Variants in TET2 observed in about 807,000 individuals in gnomAD.
TET2 encodes the protein methylcytosine dioxygenase TET2.
Under a neutral mutation model 142.9 loss-of-function variants are expected in TET2, and 299 were observed. The observed-to-expected ratio is 2.09, with a 90% CI of 1.90 to 2.30. TET2 has a LOEUF of 2.30. TET2 is among the 30% of genes most tolerant of loss of function. The pLI, the probability that TET2 is intolerant of heterozygous loss-of-function variation, is 0.00. For missense variants in TET2, 2,418 were observed against 2,378.0 expected (o/e 1.02, Z -0.35); for synonymous variants, 819 against 849.0 (o/e 0.96, Z 0.61).
In TET2 at chr4:105,190,424, A is replaced by G. The variant is rs10003850; in HGVS notation, c.-128A>G. ...TACTTGCCTTTGCTCCTGTTGAGTT[A>G]CAACGCTTGGAAGCAGGAGATGGGC... On this transcript the variant is annotated 5_prime_UTR_variant, in exon 2 of 11. Transcript: ENST00000380013. 1.9e-3 allele frequency: 1,305 copies of G among 700,744 alleles called. 16 individuals carry two copies. The African/African-American group carries it at 0.021, about 11-fold the overall frequency. 43.4% of individuals were successfully genotyped at this position (700,744 alleles called of 1,614,324 possible).
At chr4:105,240,949 A>C in intron 3 of TET2, 14 of 1,082,532 alleles carry the variant, frequency 1.3e-5, no homozygotes, top group Non-Finnish European at 1.5e-5. Context: ...AATCTTTTAA[A>C]ATCCAAGTAA....
intron 6 of TET2, among the ~76,000 whole-genome samples, chr4:105,249,196 T>C (rs1729740031): frequency 6.6e-6 from 1 of 151,982 alleles, no homozygotes; most frequent in Non-Finnish European, 1.5e-5. Context: ...CCAGCTAATT[T>C]TTGTATTTTT....
intron 2 of TET2, among the ~76,000 whole-genome samples, chr4:105,221,183 G>A (rs1036726595): frequency 6.6e-6 from 1 of 152,004 alleles, no homozygotes; most frequent in African/African-American, 2.4e-5. Context: ...CTAGTTTGGT[G>A]AGACTTGGAG....
intron 1 of TET2, among the ~76,000 whole-genome samples, chr4:105,155,698 G>A (rs945043477): frequency 2.0e-5 from 3 of 152,162 alleles, no homozygotes; most frequent in African/African-American, 7.2e-5. Context: ...ACTGATAACT[G>A]GAGTGGAGAA....
At chr4:105,255,653 A>C (rs1730086739) in intron 6 of TET2, among the ~76,000 whole-genome samples, 1 of 152,212 alleles carries the variant, frequency 6.6e-6, no homozygotes, top group South Asian at 2.1e-4. Flanking sequence ...TGCTTATTAC[A>C]TGTATGTTTA....
At chr4:105,216,368 TC>T (rs1282018094) in intron 2 of TET2, among the ~76,000 whole-genome samples, 1 of 152,080 alleles carries the variant, frequency 6.6e-6, no homozygotes, top group Non-Finnish European at 1.5e-5. Flanking sequence ...TAATAACAGT[TC>T]TATAATCTTT....
At chr4:105,182,247 G>T (rs1725162024) in intron 1 of TET2, among the ~76,000 whole-genome samples, 1 of 152,182 alleles carries the variant, frequency 6.6e-6, no homozygotes, top group Admixed American at 6.5e-5. Context: ...TGGCTGTGCT[G>T]ATGGTTACTG....
Position 105,159,284 on chromosome 4 carries a change from C to T in TET2, c.-193+12305C>T, listed in dbSNP as rs1334962796. ...TTTTTTTTTTTGAGACGGAGTTTCG[C>T]TCTTGCTGCCAAGGTTGGAGTGCAG... is the stretch of plus-strand genomic sequence containing the variant. On this transcript the variant is annotated intron_variant, in intron 1 of 10. Transcript: ENST00000380013. Among the ~76,000 whole-genome samples, 7 of 144,808 alleles carry T rather than the reference C, an allele frequency of 4.8e-5. 1 individual carries two copies. The highest frequency in any genetic ancestry group is 7.0e-5 in the Admixed American group (1 of 14,352). 95.0% of individuals were successfully genotyped at this position (144,808 alleles called of 152,430 possible). A position where few individuals can be genotyped will look rare whatever the true frequency, so the allele number is the denominator to read the frequency against.
intron 2 of TET2, among the ~76,000 whole-genome samples, chr4:105,205,287 A>G (rs1025012165): frequency 5.3e-5 from 8 of 152,172 alleles, no homozygotes; most frequent in Non-Finnish European, 4.4e-5. Flanking sequence ...TTGTTGTGGA[A>G]TTATGTCACC....
At chr4:105,269,850 T>G in intron 9 of TET2, 103 bp downstream of exon 9, 1 of 1,365,876 alleles carries the variant, frequency 7.3e-7, no homozygotes, top group Admixed American at 2.1e-5. Flanking sequence ...AGAGATTTAA[T>G]TGACTCACAG....
chr4:105,220,381 G>T (rs1490257588), intron 2 of TET2, among the ~76,000 whole-genome samples: 1 of 151,874 alleles, frequency 6.6e-6, no homozygotes, highest in African/African-American at 2.4e-5. Context: ...AGCACCTTTT[G>T]GTTATTAGAA....
At chr4:105,205,713 C>A (rs2110526425) in intron 2 of TET2, among the ~76,000 whole-genome samples, 1 of 152,202 alleles carries the variant, frequency 6.6e-6, no homozygotes, top group Middle Eastern at 3.4e-3. Flanking sequence ...CTCACTGCAA[C>A]CTCCGCCTCC....
intron 1 of TET2, among the ~76,000 whole-genome samples, chr4:105,156,232 CT>C (rs1723560043): frequency 6.6e-6 from 1 of 152,066 alleles, no homozygotes; most frequent in Non-Finnish European, 1.5e-5. Flanking sequence ...TTTAGCTTTG[CT>C]TTTTATAAGT....
At chr4:105,263,906 G>A (rs1730562156) in intron 8 of TET2, among the ~76,000 whole-genome samples, 2 of 152,092 alleles carry the variant, frequency 1.3e-5, no homozygotes, top group Admixed American at 6.6e-5. Context: ...AAGCTGGAAT[G>A]ATGAGAAGAC....
At chr4:105,205,257 T>C (rs1229348857) in intron 2 of TET2, among the ~76,000 whole-genome samples, 1 of 152,226 alleles carries the variant, frequency 6.6e-6, no homozygotes, top group Non-Finnish European at 1.5e-5. Context: ...TTTTTACTTG[T>C]TCTAATACTT....
chr4:105,149,374 T>G (rs1723192560), intron 1 of TET2, among the ~76,000 whole-genome samples: 1 of 152,222 alleles, frequency 6.6e-6, no homozygotes, highest in Non-Finnish European at 1.5e-5. Context: ...ACTTTTATAC[T>G]GAAAATAGCT....
At chr4:105,168,569 C>T (rs1476226728) in intron 1 of TET2, among the ~76,000 whole-genome samples, 1 of 152,010 alleles carries the variant, frequency 6.6e-6, no homozygotes, top group African/African-American at 2.4e-5. Context: ...TTTATTTTCT[C>T]TCTTTTTTTT....
intron 1 of TET2, among the ~76,000 whole-genome samples, chr4:105,179,565 A>C (rs935203161): frequency 6.6e-6 from 1 of 152,206 alleles, no homozygotes; most frequent in African/African-American, 2.4e-5. Flanking sequence ...GATTTTTTTC[A>C]CCATCTATCC....
intron 1 of TET2, among the ~76,000 whole-genome samples, chr4:105,159,047 T>A (rs1213035946): frequency 6.6e-6 from 1 of 151,830 alleles, no homozygotes; most frequent in Non-Finnish European, 1.5e-5. Context: ...TATGTAACAG[T>A]GGAGAGAGTA....
Sources: gnomAD v4.1 joint callset for allele counts (sites outside exome capture counted in the v4.1 genomes callset) on GRCh38, gnomAD v4.1.1 for gene constraint, MANE v1.5 for transcripts, NCBI Gene and HGNC (gene_info 2026-07-23, HGNC 2026-07-21) for gene names.